FAM228B: variants seen among roughly 807,000 people sequenced by gnomAD.
FAM228B encodes protein FAM228B.
In FAM228B, 38 loss-of-function variants were observed where a neutral mutation model predicts 42.6. That is an observed-to-expected ratio of 0.89 (90% CI 0.69 to 1.17). The LOEUF (loss-of-function observed/expected upper bound fraction) is 1.17, where lower values mean the gene tolerates loss of function less well. Among genes scored for constraint, FAM228B ranks in the 50% most tolerant of loss-of-function variants. FAM228B has a pLI of 0.00. For synonymous variants in FAM228B, 109 were observed against 122.3 expected, an observed-to-expected ratio of 0.89 and a Z score of 0.72; for missense variants, 344 against 367.3, an observed-to-expected ratio of 0.94 and a Z score of 0.52.
chr2:24,146,416 G>A (rs1024033772), intron 5 of FAM228B, among the ~76,000 whole-genome samples: 9 of 152,062 alleles, frequency 5.9e-5, no homozygotes, highest in African/African-American at 2.2e-4. Flanking sequence ...ATGAATATAT[G>A]GATATATTTT....
chr2:24,121,162 C>A, upstream of FAM228B: 1 of 1,614,016 alleles, frequency 6.2e-7, no homozygotes, highest in African/African-American at 1.3e-5. Flanking sequence ...TGAGCACTCA[C>A]ATTTTTGGCA....
intron 2 of FAM228B, chr2:24,087,506 A>G (rs1453272209): frequency 6.6e-6 from 1 of 152,252 alleles, no homozygotes; most frequent in Non-Finnish European, 1.5e-5. Flanking sequence ...GTTTATGCTA[A>G]TATGACTTAG....
chr2:24,166,512 T>C (rs578086988), intron 9 of FAM228B: 1 of 152,268 alleles, frequency 6.6e-6, no homozygotes, highest in East Asian at 1.9e-4. Flanking sequence ...GCTTGCTTGC[T>C]TCCTCAAAAT....
rs1237620970 is a variant in FAM228B at position 24,084,456 on chromosome 2, C to A, written c.-210+3501C>A. The A allele has an allele frequency of 8.2e-7, 1 of 1,217,786 alleles. No homozygotes were observed. The highest frequency in any genetic ancestry group is 1.1e-6 in the Non-Finnish European group (1 of 926,086). The allele number at this position is 1,217,786 out of a possible 1,614,324, so 75.4% of individuals were successfully genotyped here. A position where few individuals can be genotyped will look rare whatever the true frequency, so the allele number is the denominator to read the frequency against. On this transcript the variant is annotated intron_variant, in intron 2 of 10. Coordinates refer to the FAM228B transcript ENST00000613899. This position sits in a 1 kb window ranked among gnomAD's most constrained non-coding sequence, Gnocchi z 8.4. ...CCTCGCGGAGCAGCCCAGCCTCAGGCTGGCACCGCAGCGCCCCCTGCCGGC... is the reference window on the plus strand; with the variant it reads ...CCTCGCGGAGCAGCCCAGCCTCAGGATGGCACCGCAGCGCCCCCTGCCGGC...
At chr2:24,138,152 T>C (rs1666652431) in intron 4 of FAM228B, 52 bp downstream of exon 4, 1 of 1,341,884 alleles carries the variant, frequency 7.5e-7, no homozygotes, top group African/African-American at 1.5e-5. Context: ...CCTAATGTCA[T>C]CTTTGTTCAT....
Position 24,169,531 on chromosome 2 carries a change from T to C in FAM228B, c.*190T>C. The C allele has an allele frequency of 3.4e-6, 1 of 291,392 alleles. No individual in the cohort carries two copies. Among genetic ancestry groups the C allele is most frequent in the Non-Finnish European group, 7.9e-6 (1 of 125,912 alleles). The allele number at this position is 291,392 out of a possible 1,614,324, so 18.1% of individuals were successfully genotyped here. Reference sequence around the variant, plus strand: ...CATCTGCAACGAACTTCCTTTAATTTTTGAGTTCAGTGTCTGTGATAATTA... The same window carrying C: ...CATCTGCAACGAACTTCCTTTAATTCTTGAGTTCAGTGTCTGTGATAATTA... On this transcript the variant is annotated 3_prime_UTR_variant, in exon 11 of 11. Coordinates refer to ENST00000615575, the MANE Select transcript of FAM228B (RefSeq NM_001145710.2). The surrounding 1 kb of genome is among the most constrained non-coding windows in gnomAD (Gnocchi z 4.2).
chr2:24,090,840 G>A (rs1286476266), intron 2 of FAM228B, among the ~76,000 whole-genome samples: 1 of 152,080 alleles, frequency 6.6e-6, no homozygotes, highest in Non-Finnish European at 1.5e-5. Context: ...GCCCATGCTG[G>A]AGTGCAGTGT....
chr2:24,143,579 C>T (rs1386362180), intron 5 of FAM228B, among the ~76,000 whole-genome samples: 3 of 152,144 alleles, frequency 2.0e-5, no homozygotes, highest in Non-Finnish European at 4.4e-5. Flanking sequence ...AGATTGCTTG[C>T]AGAAGCAGAT....
intron 8 of FAM228B, 138 bp downstream of exon 8, chr2:24,161,751 C>A: frequency 1.6e-6 from 1 of 628,456 alleles, no homozygotes; most frequent in South Asian, 1.8e-5. Context: ...CACCGGGCAT[C>A]TCCTACCACT....
intron 2 of FAM228B, among the ~76,000 whole-genome samples, chr2:24,129,901 C>T (rs1666413623): frequency 6.6e-6 from 1 of 152,034 alleles, no homozygotes; most frequent in Non-Finnish European, 1.5e-5. Context: ...TTGCTATCAA[C>T]CTGTCATCTA....
At chr2:24,115,248 A>G (rs978508782) in intron 3 of FAM228B, 1 of 245,608 alleles carries the variant, frequency 4.1e-6, no homozygotes, top group African/African-American at 2.2e-5. Context: ...GTCTTGGATA[A>G]AGAGTGGTGA....
intron 2 of FAM228B, among the ~76,000 whole-genome samples, chr2:24,129,620 C>A (rs905371153): frequency 6.6e-6 from 1 of 152,036 alleles, no homozygotes; most frequent in African/African-American, 2.4e-5. Flanking sequence ...GCTACTAACC[C>A]ATTGAGGTTT....
chr2:24,140,033 G>C (rs576533469), intron 5 of FAM228B, among the ~76,000 whole-genome samples: 18 of 152,208 alleles, frequency 1.2e-4, no homozygotes, highest in African/African-American at 4.1e-4. Context: ...TGCACTGAAG[G>C]ATTAACCAAG....
intron 1 of FAM228B, chr2:24,079,337 G>T: frequency 8.0e-7 from 1 of 1,253,572 alleles, no homozygotes; most frequent in Non-Finnish European, 1.1e-6. Context: ...TTTCTTCATA[G>T]AAACTAACCT....
chr2:24,106,568 C>T (rs975888169), intron 3 of FAM228B, among the ~76,000 whole-genome samples: 1 of 151,986 alleles, frequency 6.6e-6, no homozygotes, highest in Non-Finnish European at 1.5e-5. Context: ...GATCTGCCTG[C>T]CTCAGCCTCC....
At chr2:24,091,752 C>G (rs1665396227) in intron 2 of FAM228B, among the ~76,000 whole-genome samples, 2 of 152,046 alleles carry the variant, frequency 1.3e-5, no homozygotes, top group Non-Finnish European at 2.9e-5. Context: ...AAGATCTGAA[C>G]AAATGAAACA....
At chr2:24,113,398 C>A (rs146307975) in intron 3 of FAM228B, among the ~76,000 whole-genome samples, 1 of 152,142 alleles carries the variant, frequency 6.6e-6, no homozygotes, top group South Asian at 2.1e-4. Context: ...CATGGTGAGA[C>A]CCCATCTTTA....
At position 24,137,909 on chromosome 2, in the gene FAM228B, G is replaced by A; in HGVS notation, c.169G>A (p.Glu57Lys). The change falls in exon 4 of 11, where the codon GAA becomes AAA. Residue 57 changes from glutamate to lysine, a missense_variant and splice_region_variant. Coordinates refer to ENST00000615575, the MANE Select transcript of FAM228B (RefSeq NM_001145710.2). ...TGTCTTTTCTACCACTGTTTACTAG[G>A]AACTAGATAAGTATTTACAACATCA... is the stretch of plus-strand genomic sequence containing the variant. ...ILYKENSVIK[E>K]LDKYLQHHAF... 6.6e-7 allele frequency: 1 copy of A among 1,515,006 alleles called. No individual in the cohort carries two copies. The highest frequency in any genetic ancestry group is 1.3e-5 in the South Asian group (1 of 77,142). 93.8% of individuals were successfully genotyped at this position (1,515,006 alleles called of 1,614,324 possible). A position where few individuals can be genotyped will look rare whatever the true frequency, so the allele number is the denominator to read the frequency against.
chr2:24,132,037 G>A (rs1387717897), intron 2 of FAM228B, among the ~76,000 whole-genome samples: 2 of 152,166 alleles, frequency 1.3e-5, no homozygotes. Flanking sequence ...TTTTTAACAT[G>A]AAGGGATGTT....
Sources: allele counts gnomAD v4.1 joint callset (sites outside exome capture counted in the v4.1 genomes callset), GRCh38; gene constraint gnomAD v4.1.1; non-coding constraint Gnocchi (gnomAD v3.1); transcripts MANE v1.5; gene names NCBI Gene and HGNC (gene_info 2026-07-23, HGNC 2026-07-21).